The following MYO18B variants were observed in gnomAD, a reference collection of about 807,000 sequenced individuals.
MYO18B encodes unconventional myosin-XVIIIb.
Under a neutral mutation model 273.0 loss-of-function variants are expected in MYO18B, and 204 were observed. That is an observed-to-expected ratio of 0.75 (90% CI 0.67 to 0.84). The LOEUF is 0.84. Ranked by LOEUF, MYO18B falls within the 40% of genes least tolerant of loss-of-function variation. MYO18B has a pLI of 0.00. For missense variants in MYO18B, 3,212 were observed against 3,287.6 expected (o/e 0.98, Z 0.56); for synonymous variants, 1,330 against 1,305.7 (o/e 1.02, Z -0.40).
At chr22:25,793,980 C>G (rs2145736163) in intron 11 of MYO18B, among the ~76,000 whole-genome samples, 1 of 152,230 alleles carries the variant, frequency 6.6e-6, no homozygotes, top group South Asian at 2.1e-4. Context: ...GTCGCCCAGG[C>G]TGGAGTGCTG....
At chr22:25,996,560 AGT>A (rs150956634) in intron 40 of MYO18B, among the ~76,000 whole-genome samples, 1 of 151,600 alleles carries the variant, frequency 6.6e-6, no homozygotes. Context: ...CTGATGGTGG[AGT>A]GTGTGTGTGT....
At chr22:25,876,161 C>T in intron 23 of MYO18B, 28 bp from the exon 24 acceptor site, 1 of 1,601,330 alleles carries the variant, frequency 6.2e-7, no homozygotes, top group Non-Finnish European at 8.5e-7. Context: ...GGAAAGGACC[C>T]TCCAGTCTGT....
intron 39 of MYO18B, among the ~76,000 whole-genome samples, chr22:25,977,959 C>T (rs1173069045): frequency 2.0e-5 from 3 of 152,236 alleles, no homozygotes; most frequent in Admixed American, 1.3e-4. Context: ...CTGTGTGAAT[C>T]GATGGCCCAT....
At position 25,832,970 on chromosome 22, in the gene MYO18B, G is replaced by A. The variant is rs180785488; in HGVS notation, c.3033G>A (p.Val1011=). The part of the protein sequence containing the change: ...DLPDPSPGTT[V]AVVDQNPSQV... The stretch of plus-strand genomic sequence containing the variant: ...CGGACCCCTCCCCAGGGACCACCGT[G>A]GCTGTTGTGGATCAAAATCCCTCTC... Residue 1011 remains valine (V), a synonymous_variant, in exon 16 of 44, where the codon GTG becomes GTA. Coordinates refer to ENST00000335473, the MANE Select transcript of MYO18B (RefSeq NM_032608.7). 3.7e-6 allele frequency: 6 copies of A among 1,613,886 alleles called. No individual in the cohort carries two copies. In the African/African-American group the frequency reaches 5.3e-5, roughly 14 times the overall value.
At chr22:25,947,246 T>G (rs1423779623) in intron 35 of MYO18B, among the ~76,000 whole-genome samples, 1 of 152,076 alleles carries the variant, frequency 6.6e-6, no homozygotes, top group Non-Finnish European at 1.5e-5. Context: ...TCCAAGTTTA[T>G]TCATCCACCC....
intron 1 of MYO18B, among the ~76,000 whole-genome samples, chr22:25,749,008 C>T (rs180782889): frequency 6.6e-6 from 1 of 152,320 alleles, no homozygotes; most frequent in East Asian, 1.9e-4. Context: ...ATGCCCCATT[C>T]CCTCTTTCCA....
rs755623666 is a variant in MYO18B at position 25,768,407 on chromosome 22, C to T, written c.491C>T (p.Ser164Leu). 6 of 1,613,602 alleles carry T rather than the reference C, an allele frequency of 3.7e-6. No individual in the cohort carries two copies. The highest frequency in any genetic ancestry group is 1.6e-4 in the Middle Eastern group (1 of 6,084). ...ATGGTGGCCAAGCTGGACCCGGACT[C>T]AGCCAAGCCAGAGAAGACTCATCCC... ...LLMVAKLDPDSAKPEKTHPHD... is the reference protein window; with the variant it reads ...LLMVAKLDPDLAKPEKTHPHD... Residue 164 changes from serine to leucine, a missense_variant, in exon 4 of 44, where the codon TCA becomes TTA. Transcript: ENST00000335473.
chr22:26,039,308 C>T, the MYO18B span, among the ~76,000 whole-genome samples: 2 of 152,202 alleles, frequency 1.3e-5, no homozygotes, highest in Non-Finnish European at 2.9e-5. Context: ...TGCCTCTGCC[C>T]TGGATGCTGC....
At chr22:25,849,027 G>A (rs565587113) in intron 20 of MYO18B, among the ~76,000 whole-genome samples, 1 of 152,204 alleles carries the variant, frequency 6.6e-6, no homozygotes, top group Non-Finnish European at 1.5e-5. Context: ...CCTCCCACCC[G>A]CACAGCCGCA....
At chr22:25,927,597 TC>T (rs1418742568) in intron 34 of MYO18B, among the ~76,000 whole-genome samples, 1 of 152,202 alleles carries the variant, frequency 6.6e-6, no homozygotes, top group Non-Finnish European at 1.5e-5. Context: ...TTGCCCTGCC[TC>T]CACTTGCCTT....
intron 14 of MYO18B, among the ~76,000 whole-genome samples, chr22:25,828,216 A>G (rs1265910864): frequency 6.6e-6 from 1 of 152,106 alleles, no homozygotes; most frequent in Non-Finnish European, 1.5e-5. Flanking sequence ...AGGCTCAGAG[A>G]GGTTGGGCAA....
intron 42 of MYO18B, among the ~76,000 whole-genome samples, chr22:26,024,133 G>A (rs558966855): frequency 5.2e-4 from 79 of 152,282 alleles, no homozygotes; most frequent in African/African-American, 1.8e-3. Context: ...CTTTTATTGA[G>A]TCCAGTGTGG....
At chr22:25,762,418 T>G (rs2086354565) in intron 2 of MYO18B, among the ~76,000 whole-genome samples, 1 of 152,218 alleles carries the variant, frequency 6.6e-6, no homozygotes, top group East Asian at 1.9e-4. Context: ...CACTGGTGAC[T>G]TTTTTTTCTT....
At position 25,796,414 on chromosome 22, in the gene MYO18B, A is replaced by C. The variant is rs562984150; in HGVS notation, c.2377-1539A>C. ...AGCCTGGGCAACATAGCGAGACCCC[A>C]TCTGTAAAAAAAATGATAATAATAA... On this transcript the variant is annotated intron_variant, in intron 11 of 43. Transcript: ENST00000335473. 1.9e-3 allele frequency among the ~76,000 whole-genome samples: 285 copies of C among 151,914 alleles called. 4 individuals carry two copies. The highest frequency in any genetic ancestry group is 2.9e-3 in the Non-Finnish European group (199 of 67,932).
intron 2 of MYO18B, among the ~76,000 whole-genome samples, chr22:25,761,919 C>T (rs183736837): frequency 4.6e-5 from 7 of 152,118 alleles, no homozygotes; most frequent in East Asian, 3.9e-4. Flanking sequence ...GTCAGGAGTT[C>T]GAGACCAGTC....
chr22:25,949,635 A>G (rs1354799924), intron 36 of MYO18B, among the ~76,000 whole-genome samples: 2 of 152,212 alleles, frequency 1.3e-5, no homozygotes, highest in Non-Finnish European at 2.9e-5. Flanking sequence ...TGATGATATC[A>G]TCCACATGGT....
chr22:25,830,888 G>A (rs2089681734), intron 15 of MYO18B, among the ~76,000 whole-genome samples: 1 of 152,190 alleles, frequency 6.6e-6, no homozygotes, highest in South Asian at 2.1e-4. Flanking sequence ...CCCCAAAGGG[G>A]CCGTTTTGAA....
chr22:25,971,896 G>A (rs2093039072), intron 39 of MYO18B, among the ~76,000 whole-genome samples: 1 of 151,986 alleles, frequency 6.6e-6, no homozygotes, highest in South Asian at 2.1e-4. Context: ...GGACAATTCA[G>A]ACTTATGTGT....
intron 25 of MYO18B, among the ~76,000 whole-genome samples, chr22:25,888,375 C>T (rs1417890566): frequency 6.6e-6 from 1 of 152,162 alleles, no homozygotes; most frequent in Non-Finnish European, 1.5e-5. Flanking sequence ...GATCCTCCTG[C>T]CTCAGCTTCC....
Sources: gnomAD v4.1 joint callset for allele counts (sites outside exome capture counted in the v4.1 genomes callset) on GRCh38, gnomAD v4.1.1 for gene constraint, MANE v1.5 for transcripts, NCBI Gene and HGNC (gene_info 2026-07-23, HGNC 2026-07-21) for gene names.